The following LIN52 variants were observed in gnomAD, a reference collection of about 807,000 sequenced individuals.
LIN52 encodes the protein protein lin-52 homolog.
A neutral mutation model predicts 18.5 loss-of-function variants in LIN52; 4 were observed. That is an observed-to-expected ratio of 0.22 (90% CI 0.11 to 0.49). The LOEUF (loss-of-function observed/expected upper bound fraction) is 0.49. Ranked by LOEUF, LIN52 falls within the 20% of genes least tolerant of loss-of-function variation. LIN52 has a pLI of 0.97. For missense variants in LIN52, 102 were observed against 139.5 expected (o/e 0.73, Z 1.35); for synonymous variants, 34 against 45.5 (o/e 0.75, Z 1.02).
At chr14:74,114,384 A>T in intron 5 of LIN52, 2 of 985,510 alleles carry the variant, frequency 2.0e-6, no homozygotes, top group Non-Finnish European at 2.4e-6. Flanking sequence ...TTACAGTGGG[A>T]ATCCAGGGTG....
intron 5 of LIN52, among the ~76,000 whole-genome samples, chr14:74,185,078 A>G (rs1012693031): frequency 6.6e-6 from 1 of 151,882 alleles, no homozygotes; most frequent in Non-Finnish European, 1.5e-5. Context: ...AATCTTATCC[A>G]TTTCTCCAAG....
intron 5 of LIN52, among the ~76,000 whole-genome samples, chr14:74,172,321 G>A (rs1395848013): frequency 6.6e-6 from 1 of 152,170 alleles, no homozygotes; most frequent in Non-Finnish European, 1.5e-5. Flanking sequence ...ATCCAGTGCT[G>A]CCTCTGCCAT....
In LIN52 at chr14:74,200,818, TGTGC is replaced by T. The variant is rs1265591136; in HGVS notation, c.*1843_*1846del. On this transcript the variant is annotated 3_prime_UTR_variant, in exon 6 of 6. Transcript: ENST00000555028. ...TGCGGTTGAAGAGTGTGTGTGTGTGTGTGCGCGCGCGCATGTGGCCAAAAAATAG... is the reference window on the plus strand; with the variant it reads ...TGCGGTTGAAGAGTGTGTGTGTGTGTGCGCGCGCATGTGGCCAAAAAATAG... 4 of 89,934 alleles carry T rather than the reference TGTGC, an allele frequency of 4.4e-5. No individual in the cohort carries two copies. The highest frequency in any genetic ancestry group is 1.3e-4 in the African/African-American group (4 of 30,680). 5.6% of individuals were successfully genotyped at this position (89,934 alleles called of 1,614,324 possible).
At chr14:74,118,978 C>T (rs751029131) in intron 5 of LIN52, among the ~76,000 whole-genome samples, 6 of 152,062 alleles carry the variant, frequency 3.9e-5, no homozygotes, top group Non-Finnish European at 4.4e-5. Context: ...ATTATGACAT[C>T]GGCCATATCA....
chr14:74,164,223 C>T (rs2061238907), intron 5 of LIN52, among the ~76,000 whole-genome samples: 4 of 151,670 alleles, frequency 2.6e-5, no homozygotes, highest in Admixed American at 1.3e-4. Context: ...CCTCGTGATC[C>T]GCCTGCCTCG....
intron 5 of LIN52, among the ~76,000 whole-genome samples, chr14:74,156,247 G>A (rs2061198604): frequency 6.6e-6 from 1 of 152,162 alleles, no homozygotes; most frequent in Admixed American, 6.6e-5. Flanking sequence ...AGCAATAGCA[G>A]AAAACAAACA....
rs1162568585 is a variant in LIN52, at chr14:74,095,153, T to TTTTTG, written c.95-791_95-790insGTTTT. Among the ~76,000 whole-genome samples the TTTTTG allele has an allele frequency of 6.8e-5, 10 of 147,554 alleles. No individual in the cohort carries two copies. The South Asian group carries it at 9.0e-4, about 13-fold the overall frequency. ...CATTACCATGCCCAACTAACTGTTT[T>TTTTTG]TTTTTTTTTTTTTTTTGAGACAGGG... On this transcript the variant is annotated intron_variant, in intron 2 of 5. Coordinates refer to ENST00000555028, the MANE Select transcript of LIN52 (RefSeq NM_001024674.3).
chr14:74,119,298 A>G (rs1033854049), intron 5 of LIN52, among the ~76,000 whole-genome samples: 1 of 148,772 alleles, frequency 6.7e-6, no homozygotes, highest in Admixed American at 6.9e-5. Context: ...AATAGCTAGG[A>G]CTACAGGCGC....
At chr14:74,107,202 A>C (rs1343345363) in intron 5 of LIN52, among the ~76,000 whole-genome samples, 1 of 152,228 alleles carries the variant, frequency 6.6e-6, no homozygotes, top group East Asian at 1.9e-4. Flanking sequence ...TCAACAGCAC[A>C]GAATAAATAC....
chr14:74,164,711 A>G (rs1471871340), intron 5 of LIN52, among the ~76,000 whole-genome samples: 1 of 152,194 alleles, frequency 6.6e-6, no homozygotes, highest in Non-Finnish European at 1.5e-5. Flanking sequence ...GATCAGCCCA[A>G]GAAGAATAAA....
intron 5 of LIN52, among the ~76,000 whole-genome samples, chr14:74,187,935 A>C (rs529975190): frequency 6.6e-6 from 1 of 152,342 alleles, no homozygotes; most frequent in Non-Finnish European, 1.5e-5. Context: ...AATTCATCTG[A>C]GATCACTAAT....
chr14:74,146,348 A>G lies in LIN52; in HGVS notation c.283+45110A>G, dbSNP rs917048511. ...CTTCCAAATTCCTTTAGTTCTCTTC[A>G]GTTTCCATAAAATGTTATTTTTATC... On this transcript the variant is annotated intron_variant, in intron 5 of 5. Transcript: ENST00000555028. 2.6e-5 allele frequency among the ~76,000 whole-genome samples: 4 copies of G among 152,112 alleles called. No individual in the cohort carries two copies. The East Asian group carries it at 7.7e-4, about 29-fold the overall frequency.
chr14:74,152,885 G>A (rs987998426), intron 5 of LIN52, among the ~76,000 whole-genome samples: 1 of 150,966 alleles, frequency 6.6e-6, no homozygotes, highest in Admixed American at 6.6e-5. Flanking sequence ...GCTTGAACCT[G>A]GGAGGCAGAG....
intron 5 of LIN52, among the ~76,000 whole-genome samples, chr14:74,160,462 C>T (rs1247251163): frequency 6.6e-6 from 1 of 152,106 alleles, no homozygotes; most frequent in Non-Finnish European, 1.5e-5. Flanking sequence ...GATTTAAAAA[C>T]CTTTAATTTT....
chr14:74,176,916 C>T (rs1172247103), intron 5 of LIN52, among the ~76,000 whole-genome samples: 1 of 152,120 alleles, frequency 6.6e-6, no homozygotes, highest in Non-Finnish European at 1.5e-5. Flanking sequence ...GGTTTTATTT[C>T]ATTTTATTGC....
intron 5 of LIN52, among the ~76,000 whole-genome samples, chr14:74,186,905 C>G (rs936544872): frequency 3.9e-5 from 6 of 152,050 alleles, no homozygotes; most frequent in African/African-American, 1.5e-4. Context: ...ATGGTGAAAC[C>G]CCATCTCTCC....
intron 5 of LIN52, among the ~76,000 whole-genome samples, chr14:74,157,459 A>ATATTTT (rs371363719): frequency 1.4e-5 from 2 of 139,930 alleles, no homozygotes; most frequent in African/African-American, 5.2e-5. Flanking sequence ...ATATATATAT[A>ATATTTT]TTTTTTAATT....
At chr14:74,129,344 G>A (rs13379101) in intron 5 of LIN52, among the ~76,000 whole-genome samples, 17 of 152,242 alleles carry the variant, frequency 1.1e-4, no homozygotes, top group East Asian at 3.9e-4. Flanking sequence ...CTGAGAGGGC[G>A]CAGGTGAATC....
intron 3 of LIN52, among the ~76,000 whole-genome samples, chr14:74,097,425 CTTTTT>C (rs35249058): frequency 2.2e-5 from 3 of 133,574 alleles, no homozygotes; most frequent in Admixed American, 7.8e-5. Flanking sequence ...TTTTCTTTTT[CTTTTT>C]TTTTTTTTTT....
Sources: allele counts gnomAD v4.1 joint callset (sites outside exome capture counted in the v4.1 genomes callset), GRCh38; gene constraint gnomAD v4.1.1; transcripts MANE v1.5; gene names NCBI Gene and HGNC (gene_info 2026-07-23, HGNC 2026-07-21).